The following FAF2 variants were observed in gnomAD, a reference collection of about 807,000 sequenced individuals.
FAF2 encodes FAS-associated factor 2.
In FAF2, 9 loss-of-function variants were observed where a neutral mutation model predicts 62.3. That is an observed-to-expected ratio of 0.14 (90% CI 0.09 to 0.25). The LOEUF (loss-of-function observed/expected upper bound fraction) is 0.25, where lower values mean the gene tolerates loss of function less well. Among genes scored for constraint, FAF2 ranks in the 10% least tolerant of loss-of-function variants. The pLI, the probability that FAF2 is intolerant of heterozygous loss-of-function variation, is 1.00. For synonymous variants in FAF2, 202 were observed against 198.0 expected, an observed-to-expected ratio of 1.02 and a Z score of -0.17; for missense variants, 368 against 556.2, an observed-to-expected ratio of 0.66 and a Z score of 3.40.
chr5:176,490,800 T>C (rs1452797721), intron 4 of FAF2, among the ~76,000 whole-genome samples: 1 of 152,114 alleles, frequency 6.6e-6, no homozygotes, highest in East Asian at 1.9e-4. Context: ...AAAAAGCTGA[T>C]TGTCCTAAAT....
intron 1 of FAF2, 29 bp downstream of exon 1, chr5:176,448,499 G>C: frequency 2.5e-6 from 4 of 1,572,584 alleles, no homozygotes; most frequent in Non-Finnish European, 3.5e-6. Flanking sequence ...TGCAGCAGAT[G>C]CCTCCGTGGG....
At chr5:176,490,975 T>A (rs534064507) in intron 4 of FAF2, among the ~76,000 whole-genome samples, 1 of 152,340 alleles carries the variant, frequency 6.6e-6, no homozygotes, top group East Asian at 1.9e-4. Context: ...GTGCTTTTAA[T>A]TCGCTCTGGA....
chr5:176,453,560 A>T (rs2113713886), intron 1 of FAF2: 2 of 152,270 alleles, frequency 1.3e-5, no homozygotes, highest in South Asian at 2.1e-4. Flanking sequence ...AAAAAAAAAC[A>T]CATGGTGCTT....
intron 10 of FAF2, among the ~76,000 whole-genome samples, chr5:176,503,086 G>C (rs1245371132): frequency 6.6e-6 from 1 of 151,988 alleles, no homozygotes; most frequent in Non-Finnish European, 1.5e-5. Flanking sequence ...ATAAAAAAGA[G>C]TATCATGGCC....
chr5:176,490,337 A>G (rs114288300), intron 4 of FAF2, among the ~76,000 whole-genome samples: 4,606 of 151,678 alleles, frequency 0.03, 213 homozygotes, highest in African/African-American at 0.11. Flanking sequence ...AAAAGAAAAG[A>G]AAATGAGTGG....
At chr5:176,487,317 G>T (rs151149848) in intron 3 of FAF2, among the ~76,000 whole-genome samples, 1 of 152,202 alleles carries the variant, frequency 6.6e-6, no homozygotes, top group Non-Finnish European at 1.5e-5. Flanking sequence ...CTAAGTAGCT[G>T]GGACTACAGG....
intron 1 of FAF2, among the ~76,000 whole-genome samples, chr5:176,466,796 G>GAAA (rs1758476574): frequency 6.7e-6 from 1 of 148,178 alleles, no homozygotes; most frequent in Non-Finnish European, 1.5e-5. Flanking sequence ...TTTACAAGAT[G>GAAA]TTTGACCAAA....
chr5:176,465,905 A>G (rs1758459793), intron 1 of FAF2, among the ~76,000 whole-genome samples: 1 of 152,216 alleles, frequency 6.6e-6, no homozygotes, highest in South Asian at 2.1e-4. Flanking sequence ...GCATTTTGGC[A>G]TGAGAGAGAA....
chr5:176,454,222 G>GT, intron 1 of FAF2, among the ~76,000 whole-genome samples: 1 of 151,478 alleles, frequency 6.6e-6, no homozygotes, highest in African/African-American at 2.4e-5. Flanking sequence ...GTGAAACCCC[G>GT]TATCTACTGA....
At chr5:176,491,591 A>T (rs569185353) in intron 4 of FAF2, among the ~76,000 whole-genome samples, 1 of 152,314 alleles carries the variant, frequency 6.6e-6, no homozygotes, top group South Asian at 2.1e-4. Flanking sequence ...AGAAAGGAGA[A>T]GGAGGGGCAA....
intron 3 of FAF2, among the ~76,000 whole-genome samples, chr5:176,488,536 C>A (rs1429718385): frequency 6.6e-6 from 1 of 152,142 alleles, no homozygotes; most frequent in Non-Finnish European, 1.5e-5. Context: ...ATTTTCCTGC[C>A]TCAGCCTCCC....
At chr5:176,472,404 C>T (rs1758587590) in intron 1 of FAF2, among the ~76,000 whole-genome samples, 1 of 151,920 alleles carries the variant, frequency 6.6e-6, no homozygotes, top group Non-Finnish European at 1.5e-5. Flanking sequence ...CTCAGCCTCC[C>T]AAAGTGCTGG....
Position 176,492,605 on chromosome 5 carries a change from C to T in FAF2, c.483+273C>T, listed in dbSNP as rs147831514. ...ATTCCCTGAACATAGTCTGTACTTG[C>T]CTACCTCTGTGCCTTTGCTTTTGCC... is the stretch of plus-strand genomic sequence containing the variant. On this transcript the variant is annotated intron_variant, in intron 5 of 10. Transcript: ENST00000261942. 6.3e-3 allele frequency among the ~76,000 whole-genome samples: 952 copies of T among 152,252 alleles called. 13 individuals carry two copies. Among genetic ancestry groups the T allele is most frequent in the African/African-American group, 0.022 (915 of 41,532 alleles).
chr5:176,501,645 T>C (rs1405487131), intron 10 of FAF2, among the ~76,000 whole-genome samples: 1 of 152,252 alleles, frequency 6.6e-6, no homozygotes, highest in African/African-American at 2.4e-5. Context: ...AGAGAACTAA[T>C]ACAGAATTAA....
At chr5:176,476,804 A>ATTTT (rs749952460) in intron 1 of FAF2, among the ~76,000 whole-genome samples, 12 of 92,874 alleles carry the variant, frequency 1.3e-4, no homozygotes, top group African/African-American at 5.3e-4. Context: ...TGCTGAACTA[A>ATTTT]TTTTTTTTTT....
intron 2 of FAF2, among the ~76,000 whole-genome samples, chr5:176,480,945 CTTAAAGTATAAT>C (rs1758775456): frequency 3.3e-5 from 5 of 151,908 alleles, no homozygotes; most frequent in Admixed American, 3.3e-4. Flanking sequence ...TATCCCAGAA[CTTAAAGTATAAT>C]TTAAAAAAAT....
At chr5:176,459,548 A>C (rs965505782) in intron 1 of FAF2, among the ~76,000 whole-genome samples, 1 of 152,106 alleles carries the variant, frequency 6.6e-6, no homozygotes, top group Non-Finnish European at 1.5e-5. Flanking sequence ...TTTTTTGAGC[A>C]TTGAAAGTTA....
intron 1 of FAF2, among the ~76,000 whole-genome samples, chr5:176,460,715 G>A (rs1166850700): frequency 6.6e-6 from 1 of 152,074 alleles, no homozygotes; most frequent in Non-Finnish European, 1.5e-5. Flanking sequence ...ACTTTGGGAG[G>A]CTGAGGCAGT....
intron 2 of FAF2, among the ~76,000 whole-genome samples, chr5:176,479,672 T>C (rs1758758233): frequency 6.6e-6 from 1 of 152,102 alleles, no homozygotes; most frequent in Non-Finnish European, 1.5e-5. Flanking sequence ...ATAATGGTAA[T>C]AGCATTTTGT....
Sources: gnomAD v4.1 joint callset for allele counts (sites outside exome capture counted in the v4.1 genomes callset) on GRCh38, gnomAD v4.1.1 for gene constraint, MANE v1.5 for transcripts, NCBI Gene and HGNC (gene_info 2026-07-23, HGNC 2026-07-21) for gene names.